The following BSDC1 variants were observed in gnomAD, a reference collection of about 807,000 sequenced individuals.
The protein encoded by BSDC1 is BSD domain-containing protein 1.
Under a neutral mutation model 56.0 loss-of-function variants are expected in BSDC1, and 29 were observed. The observed-to-expected ratio is 0.52, with a 90% confidence interval of 0.39 to 0.71. The LOEUF (loss-of-function observed/expected upper bound fraction) is 0.71, where lower values mean the gene tolerates loss of function less well. Ranked by LOEUF, BSDC1 falls within the 30% of genes least tolerant of loss-of-function variation. The pLI is 0.00. For synonymous variants in BSDC1, 210 were observed against 215.3 expected, an observed-to-expected ratio of 0.98 and a Z score of 0.21; for missense variants, 477 against 548.5, an observed-to-expected ratio of 0.87 and a Z score of 1.30.
At chr1:32,371,407 T>C (rs1228775158) in intron 9 of BSDC1, among the ~76,000 whole-genome samples, 3 of 150,400 alleles carry the variant, frequency 2.0e-5, no homozygotes, top group Non-Finnish European at 3.0e-5. Context: ...GCCTCCTGGG[T>C]TCACACCATT....
chr1:32,375,242 C>CT (rs1642237739), intron 9 of BSDC1, among the ~76,000 whole-genome samples: 2 of 152,164 alleles, frequency 1.3e-5, no homozygotes, highest in East Asian at 1.9e-4. Context: ...ACTGGAAACT[C>CT]TATGGTTTCC....
At chr1:32,394,054 G>A (rs920184961) in intron 2 of BSDC1, 26 bp downstream of exon 2, 1 of 1,602,056 alleles carries the variant, frequency 6.2e-7, no homozygotes, top group South Asian at 1.1e-5. Flanking sequence ...CCCTGCTGAG[G>A]GAAGAAGGGC....
chr1:32,385,599 C>T (rs1000540497), intron 3 of BSDC1, among the ~76,000 whole-genome samples: 5 of 151,970 alleles, frequency 3.3e-5, no homozygotes, highest in Non-Finnish European at 5.9e-5. Flanking sequence ...TGGTGGCATG[C>T]ACCTGTGGTC....
intron 9 of BSDC1, chr1:32,369,192 G>T: frequency 8.8e-7 from 1 of 1,133,126 alleles, no homozygotes; most frequent in Non-Finnish European, 1.2e-6. Flanking sequence ...GGCTGGAGAA[G>T]AACTTCACAT....
intron 1 of BSDC1, 99 bp downstream of exon 1, chr1:32,394,305 C>T (rs1642976541): frequency 1.3e-6 from 2 of 1,598,614 alleles, no homozygotes; most frequent in East Asian, 4.5e-5. Context: ...TCAGTCCACG[C>T]CCCCGCTGAT....
rs760817406 is a variant in BSDC1 at position 32,378,164 on chromosome 1, C to T, written c.597+51G>A. On this transcript the variant is annotated intron_variant, in intron 7 of 10. Coordinates refer to ENST00000455895, the MANE Select transcript of BSDC1 (RefSeq NM_018045.8). The surrounding 1 kb of genome is among the most constrained non-coding windows in gnomAD (Gnocchi z 5.2). ...CCCTTTCTTCTCTCAATAAATCCAG[C>T]CTGCTTCCCCCAGGGTTGAGTGGGG... is the stretch of plus-strand genomic sequence containing the variant. The T allele has an allele frequency of 6.8e-6, 11 of 1,609,708 alleles. No homozygotes were observed. The Admixed American group carries it at 1.7e-4, about 24-fold the overall frequency.
intron 9 of BSDC1, chr1:32,369,368 A>C (rs1360278887): frequency 8.6e-7 from 1 of 1,165,240 alleles, no homozygotes; most frequent in Admixed American, 2.3e-5. Context: ...TTAGCCAGGC[A>C]TGGTAGTACA....
intron 9 of BSDC1, among the ~76,000 whole-genome samples, chr1:32,374,305 A>T (rs1483644206): frequency 6.6e-6 from 1 of 152,226 alleles, no homozygotes; most frequent in Non-Finnish European, 1.5e-5. Context: ...CTGAGGATCT[A>T]TCATGAAACA....
At chr1:32,394,257 C>G in intron 1 of BSDC1, 117 bp from the exon 2 acceptor site, 1 of 1,550,864 alleles carries the variant, frequency 6.4e-7, no homozygotes, top group Non-Finnish European at 8.9e-7. Flanking sequence ...ACCGCTTGCC[C>G]ACCCCCTCAC....
intron 2 of BSDC1, among the ~76,000 whole-genome samples, chr1:32,389,823 A>C (rs947967666): frequency 1.3e-5 from 2 of 151,960 alleles, no homozygotes; most frequent in Admixed American, 1.3e-4. Context: ...AATACAAAAA[A>C]TTAGCCAGAA....
chr1:32,374,580 AAG>A (rs1193209089), intron 9 of BSDC1: 3 of 152,240 alleles, frequency 2.0e-5, no homozygotes, highest in African/African-American at 7.2e-5. Context: ...GAGAATACAG[AAG>A]AGTGGGTTTA....
Position 32,394,089 on chromosome 1 carries a change from G to C in BSDC1, c.63C>G (p.Val21=). The change falls in exon 2 of 11, where the codon GTC becomes GTG. Residue 21 remains valine (V), a synonymous_variant. Coordinates refer to ENST00000455895, the MANE Select transcript of BSDC1 (RefSeq NM_018045.8). ...RSWLQQSYQA[V]KEKSSEALEF... ...CACGGGCCCGGCTTACCTTCTCTTT[G>C]ACTGCTTGGTAGCTCTGCTGCAGCC... 4 of 1,609,384 alleles carry C rather than the reference G, an allele frequency of 2.5e-6. No homozygotes were observed. The highest frequency in any genetic ancestry group is 1.7e-5 in the Admixed American group (1 of 59,468).
chr1:32,367,783 TG>T, intron 10 of BSDC1: 1 of 901,414 alleles, frequency 1.1e-6, no homozygotes. Flanking sequence ...TCCTGAGTGC[TG>T]GTCACCATGT....
At chr1:32,389,812 A>AC (rs1642803890) in intron 2 of BSDC1, among the ~76,000 whole-genome samples, 1 of 151,730 alleles carries the variant, frequency 6.6e-6, no homozygotes, top group Non-Finnish European at 1.5e-5. Flanking sequence ...ACACACACAC[A>AC]AATACAAAAA....
Position 32,368,032 on chromosome 1 carries a change from CTTTT to C in BSDC1, c.1260+411_1260+414del, listed in dbSNP as rs74259836. 188 of 1,025,946 alleles carry C rather than the reference CTTTT, an allele frequency of 1.8e-4. No homozygotes were observed. The Admixed American group carries it at 2.3e-3, about 13-fold the overall frequency. The allele number at this position is 1,025,946 out of a possible 1,614,324, so 63.6% of individuals were successfully genotyped here. A position where few individuals can be genotyped will look rare whatever the true frequency, so the allele number is the denominator to read the frequency against. ...GGTTTGATGTCTGTTTTCTTTTTTC[CTTTT>C]TTTTTTTTTTTCAAAAACAGAAATG... On this transcript the variant is annotated intron_variant, in intron 10 of 10. Coordinates refer to ENST00000455895, the MANE Select transcript of BSDC1 (RefSeq NM_018045.8).
At position 32,368,233 on chromosome 1, in the gene BSDC1, T is replaced by G. The variant is rs1641923219; in HGVS notation, c.1260+214A>C. 11 of 1,473,562 alleles carry G rather than the reference T, an allele frequency of 7.5e-6. No homozygotes were observed. In the South Asian group the frequency reaches 1.5e-4, roughly 21 times the overall value. 91.3% of individuals were successfully genotyped at this position (1,473,562 alleles called of 1,614,324 possible). A position where few individuals can be genotyped will look rare whatever the true frequency, so the allele number is the denominator to read the frequency against. ...TTGATACAGAGCTAAGGTCAAGAAC[T>G]TGACCCTCTATCCACCCTGGAACTG... On this transcript the variant is annotated intron_variant, in intron 10 of 10. Transcript: ENST00000455895.
At chr1:32,368,686 G>T in intron 9 of BSDC1, 136 bp from the exon 10 acceptor site, 5 of 1,297,502 alleles carry the variant, frequency 3.9e-6, no homozygotes, top group Non-Finnish European at 4.2e-6. Flanking sequence ...GTTCACTCTG[G>T]CGCACCAATC....
intron 9 of BSDC1, among the ~76,000 whole-genome samples, chr1:32,375,440 G>A (rs994097773): frequency 6.6e-6 from 1 of 151,286 alleles, no homozygotes; most frequent in African/African-American, 2.4e-5. Context: ...GACTGGAGGG[G>A]GGGTTCTTAG....
At chr1:32,380,417 G>A (rs1037464878) in intron 5 of BSDC1, among the ~76,000 whole-genome samples, 6 of 152,142 alleles carry the variant, frequency 3.9e-5, no homozygotes, top group East Asian at 1.9e-4. Context: ...AGGCTGAGAC[G>A]GGTGGGTCAC....
Sources: gnomAD v4.1 joint callset for allele counts (sites outside exome capture counted in the v4.1 genomes callset) on GRCh38, gnomAD v4.1.1 for gene constraint, Gnocchi (gnomAD v3.1) non-coding constraint, MANE v1.5 for transcripts, NCBI Gene and HGNC (gene_info 2026-07-23, HGNC 2026-07-21) for gene names.